The following ADAMTSL1 variants were observed in gnomAD, a reference collection of about 807,000 sequenced individuals.
ADAMTSL1 encodes the protein ADAMTS like 1, also known as ADAMTS-like protein 1.
ADAMTSL1 carries 126 observed loss-of-function variants against 201.8 expected under a neutral mutation model. The observed-to-expected ratio is 0.62, with a 90% CI of 0.54 to 0.72. ADAMTSL1 has a LOEUF of 0.72. Ranked by LOEUF, ADAMTSL1 falls within the 30% of genes least tolerant of loss-of-function variation. The probability of loss-of-function intolerance (pLI) is 0.00; values close to 1 mark genes in which losing one functional copy is unlikely to be tolerated. For missense variants in ADAMTSL1, 2,679 were observed against 2,277.8 expected (o/e 1.18, Z -3.59); for synonymous variants, 1,121 against 903.4 (o/e 1.24, Z -4.32).
At chr9:18,847,521 A>T (rs977889521) in intron 23 of ADAMTSL1, among the ~76,000 whole-genome samples, 1 of 152,250 alleles carries the variant, frequency 6.6e-6, no homozygotes, top group South Asian at 2.1e-4. Flanking sequence ...ATAAAGCAGG[A>T]TAAGAGGGAG....
At chr9:18,100,306 A>G (rs778540470) in intron 1 of ADAMTSL1, among the ~76,000 whole-genome samples, 1 of 152,284 alleles carries the variant, frequency 6.6e-6, no homozygotes, top group African/African-American at 2.4e-5. Flanking sequence ...TTTGAGAGTC[A>G]GTCTTGCTCT....
intron 13 of ADAMTSL1, among the ~76,000 whole-genome samples, chr9:18,701,316 T>C (rs1831910856): frequency 6.7e-6 from 1 of 150,168 alleles, no homozygotes; most frequent in South Asian, 2.1e-4. Flanking sequence ...ACCTCCCGGG[T>C]TCAAGCAATT....
chr9:18,421,628 C>A (rs189019956), intron 2 of ADAMTSL1, among the ~76,000 whole-genome samples: 2 of 152,180 alleles, frequency 1.3e-5, no homozygotes, highest in Non-Finnish European at 2.9e-5. Context: ...GTCAAAGATA[C>A]CAGCAGTAGC....
chr9:18,698,868 G>A (rs1035306057), intron 13 of ADAMTSL1, among the ~76,000 whole-genome samples: 1 of 152,128 alleles, frequency 6.6e-6, no homozygotes, highest in African/African-American at 2.4e-5. Flanking sequence ...TTTTCTTACT[G>A]TTAAAGAAAA....
intron 2 of ADAMTSL1, among the ~76,000 whole-genome samples, chr9:18,277,939 CT>C (rs1050644851): frequency 6.6e-6 from 1 of 151,768 alleles, no homozygotes; most frequent in Non-Finnish European, 1.5e-5. Context: ...ATTTCTTTAT[CT>C]TTTTTGTATT....
intron 1 of ADAMTSL1, among the ~76,000 whole-genome samples, chr9:17,986,004 T>C (rs1019819646): frequency 2.0e-5 from 3 of 152,146 alleles, no homozygotes; most frequent in African/African-American, 7.2e-5. Context: ...CAAATGGTTT[T>C]ATTTATCAGC....
At chr9:18,508,111 A>T (rs1817793471) in intron 2 of ADAMTSL1, among the ~76,000 whole-genome samples, 1 of 151,898 alleles carries the variant, frequency 6.6e-6, no homozygotes, top group South Asian at 2.1e-4. Context: ...CTTGAACCCC[A>T]GAGGCAGAGG....
chr9:18,310,146 G>A (rs1277934748), intron 2 of ADAMTSL1, among the ~76,000 whole-genome samples: 1 of 151,772 alleles, frequency 6.6e-6, no homozygotes, highest in Non-Finnish European at 1.5e-5. Context: ...GCAGAAAACT[G>A]GAACTGGACC....
intron 2 of ADAMTSL1, among the ~76,000 whole-genome samples, chr9:18,305,518 G>A (rs529158382): frequency 6.6e-6 from 1 of 152,146 alleles, no homozygotes; most frequent in African/African-American, 2.4e-5. Flanking sequence ...AAGCTTGGTG[G>A]GGGGAGGGGC....
intron 15 of ADAMTSL1, among the ~76,000 whole-genome samples, chr9:18,743,874 A>T (rs138825020): frequency 6.6e-6 from 1 of 152,258 alleles, no homozygotes; most frequent in East Asian, 1.9e-4. Context: ...GGAGTAGCAA[A>T]TCCATCTGTG....
intron 2 of ADAMTSL1, among the ~76,000 whole-genome samples, chr9:18,445,916 A>G (rs181064165): frequency 6.6e-6 from 1 of 152,248 alleles, no homozygotes; most frequent in African/African-American, 2.4e-5. Flanking sequence ...ATTTGTAAAC[A>G]TTTTTATATT....
chr9:17,935,832 C>A (rs1032173296), intron 1 of ADAMTSL1, among the ~76,000 whole-genome samples: 2 of 152,300 alleles, frequency 1.3e-5, no homozygotes, highest in South Asian at 2.1e-4. Flanking sequence ...CCTTCAGTCT[C>A]GTCTCAGTAG....
intron 1 of ADAMTSL1, among the ~76,000 whole-genome samples, chr9:18,031,250 T>A (rs533965235): frequency 6.6e-6 from 1 of 152,350 alleles, no homozygotes; most frequent in East Asian, 1.9e-4. Flanking sequence ...CTTGCACTGA[T>A]TCCTTCTCAT....
chr9:18,838,360 TAC>T (rs775337751), intron 23 of ADAMTSL1, among the ~76,000 whole-genome samples: 1,039 of 86,698 alleles, frequency 0.012, 5 homozygotes, highest in East Asian at 0.053. Flanking sequence ...CAAACCATAT[TAC>T]ACACACACAC....
rs138712460 is a variant in ADAMTSL1 at position 18,150,790 on chromosome 9, G to T, written c.88-13072G>T. ...TTCAGAGTGCAGATGGAAGAGATTT[G>T]CCTTAATCAACAGGAAAGACAAGTT... On this transcript the variant is annotated intron_variant, in intron 1 of 29. Coordinates refer to the ADAMTSL1 transcript ENST00000680146. Among the ~76,000 whole-genome samples, 314 of 152,112 alleles carry T rather than the reference G, an allele frequency of 2.1e-3. 2 individuals carry two copies. The highest frequency in any genetic ancestry group is 7.2e-3 in the African/African-American group (298 of 41,534).
intron 23 of ADAMTSL1, among the ~76,000 whole-genome samples, chr9:18,842,153 C>G (rs546623636): frequency 4.6e-5 from 7 of 151,856 alleles, no homozygotes; most frequent in South Asian, 4.2e-4. Context: ...TGGATCTTTC[C>G]TGCTTTCTCT....
intron 19 of ADAMTSL1, among the ~76,000 whole-genome samples, chr9:18,794,304 G>A (rs776890469): frequency 1.4e-4 from 21 of 151,936 alleles, no homozygotes; most frequent in Non-Finnish European, 2.2e-4. Context: ...AGCTACACAG[G>A]AGGCAGAGGT....
rs537083143 is a variant in ADAMTSL1, at chr9:18,181,943, A to T, written c.207+17962A>T. ...AAAATGTGGCACATATACACCATGGAATACTATGCAGCCATAAAAAAATGA... is the reference window on the plus strand; with the variant it reads ...AAAATGTGGCACATATACACCATGGTATACTATGCAGCCATAAAAAAATGA... On this transcript the variant is annotated intron_variant, in intron 2 of 29. Coordinates refer to the ADAMTSL1 transcript ENST00000680146. Among the ~76,000 whole-genome samples the T allele has an allele frequency of 6.8e-4, 103 of 152,288 alleles. 1 individual carries two copies. The highest frequency in any genetic ancestry group is 2.5e-3 in the African/African-American group (102 of 41,554).
At chr9:18,120,581 T>C (rs748083547) in intron 1 of ADAMTSL1, among the ~76,000 whole-genome samples, 1 of 152,190 alleles carries the variant, frequency 6.6e-6, no homozygotes, top group African/African-American at 2.4e-5. Context: ...GAAAAAGTTC[T>C]GTGTAATACC....
Sources: allele counts gnomAD v4.1 joint callset (sites outside exome capture counted in the v4.1 genomes callset), GRCh38; gene constraint gnomAD v4.1.1; transcripts MANE v1.5; gene names NCBI Gene and HGNC (gene_info 2026-07-23, HGNC 2026-07-21).